Variants in MAGI2 observed in about 807,000 individuals in gnomAD.
MAGI2 encodes membrane-associated guanylate kinase, WW and PDZ domain-containing protein 2.
A neutral mutation model predicts 133.3 loss-of-function variants in MAGI2; 35 were observed. The ratio of observed to expected loss-of-function variants is 0.26; its 90% CI spans 0.20 to 0.35. MAGI2 has a LOEUF of 0.35. Ranked by LOEUF, MAGI2 falls within the 10% of genes least tolerant of loss-of-function variation. The pLI, the probability that MAGI2 is intolerant of heterozygous loss-of-function variation, is 1.00. For missense variants in MAGI2, 1,636 were observed against 1,863.4 expected, an observed-to-expected ratio of 0.88 and a Z score of 2.25; for synonymous variants, 729 against 710.6, an observed-to-expected ratio of 1.03 and a Z score of -0.41.
rs1348555197 is a variant in MAGI2 at position 78,256,051 on chromosome 7, C to T, written c.1939G>A (p.Val647Ile). ...TGTACATTCTGCTGGTTGATCTCAA[C>T]AATGAGGTCGCCTTCACACAGGCCA... ...CPGLCEGDLI[V>I]EINQQNVQNL... Residue 647 changes from valine (V) to isoleucine (I), a missense_variant, in exon 10 of 22, where the codon GTT becomes ATT. This residue lies in a region of MAGI2 where 920 missense variants were observed against 1,093.5 expected (regional missense o/e 0.84). Transcript: ENST00000354212. 6 of 1,613,552 alleles carry T rather than the reference C, an allele frequency of 3.7e-6. No individual in the cohort carries two copies. Among genetic ancestry groups the T allele is most frequent in the Non-Finnish European group, 5.1e-6 (6 of 1,179,904 alleles).
At chr7:78,372,506 T>G (rs1409984021) in intron 6 of MAGI2, among the ~76,000 whole-genome samples, 1 of 152,158 alleles carries the variant, frequency 6.6e-6, no homozygotes, top group Non-Finnish European at 1.5e-5. Context: ...ACTTGACAAA[T>G]CTGTGGATGA....
At chr7:78,080,188 C>T (rs1815796189) in intron 20 of MAGI2, among the ~76,000 whole-genome samples, 1 of 152,170 alleles carries the variant, frequency 6.6e-6, no homozygotes, top group South Asian at 2.1e-4. Context: ...GGGGGAAGAA[C>T]ATGTTTGTTG....
chr7:78,025,227 A>G (rs1808798034), intron 21 of MAGI2, among the ~76,000 whole-genome samples: 1 of 152,186 alleles, frequency 6.6e-6, no homozygotes, highest in African/African-American at 2.4e-5. Flanking sequence ...AGGCTTCCCC[A>G]CAACTATCTA....
intron 9 of MAGI2, among the ~76,000 whole-genome samples, chr7:78,276,430 T>C (rs1357112181): frequency 6.6e-6 from 1 of 152,138 alleles, no homozygotes; most frequent in Non-Finnish European, 1.5e-5. Context: ...ACTTGCTTAG[T>C]GGGGAAAGAT....
At chr7:78,164,827 T>C (rs762343657) in intron 15 of MAGI2, among the ~76,000 whole-genome samples, 5 of 152,254 alleles carry the variant, frequency 3.3e-5, no homozygotes, top group Non-Finnish European at 7.3e-5. Context: ...AGACATGGTG[T>C]GCATCCAAAA....
At chr7:78,914,679 A>G (rs1042529112) in intron 2 of MAGI2, among the ~76,000 whole-genome samples, 2 of 152,154 alleles carry the variant, frequency 1.3e-5, no homozygotes, top group Non-Finnish European at 2.9e-5. Context: ...GAATTTTCTC[A>G]TATGTACAGA....
At chr7:78,085,548 TCCCACACACACA>T (rs1180450912) in intron 20 of MAGI2, among the ~76,000 whole-genome samples, 1 of 69,170 alleles carries the variant, frequency 1.4e-5, no homozygotes, top group Admixed American at 1.5e-4. Flanking sequence ...ATAATAAAAC[TCCCACACACACA>T]CACACACACA....
chr7:78,496,305 T>C (rs141989355), intron 5 of MAGI2, among the ~76,000 whole-genome samples: 2 of 152,336 alleles, frequency 1.3e-5, no homozygotes, highest in Non-Finnish European at 2.9e-5. Context: ...AAATCTGTCA[T>C]TTAAGATGAC....
At chr7:79,367,604 A>G (rs939902553) in intron 1 of MAGI2, among the ~76,000 whole-genome samples, 3 of 152,004 alleles carry the variant, frequency 2.0e-5, no homozygotes, top group Non-Finnish European at 4.4e-5. Flanking sequence ...AACAGTAATG[A>G]CTTTATAGAG....
At position 78,574,776 on chromosome 7, in the gene MAGI2, C is replaced by A. The variant is rs112737493; in HGVS notation, c.538+52344G>T. Among the ~76,000 whole-genome samples, 557 of 152,228 alleles carry A rather than the reference C, an allele frequency of 3.7e-3. 4 individuals are homozygous for A. Among genetic ancestry groups the A allele is most frequent in the African/African-American group, 0.013 (536 of 41,544 alleles). On this transcript the variant is annotated intron_variant, in intron 3 of 21. Coordinates refer to ENST00000354212, the MANE Select transcript of MAGI2 (RefSeq NM_012301.4). Reference sequence around the variant, plus strand: ...ATTTACAATGTACTGTTATGAGACACGTTGATTACAGGAAGGTTTGAAATT... The same window carrying A: ...ATTTACAATGTACTGTTATGAGACAAGTTGATTACAGGAAGGTTTGAAATT...
chr7:78,993,116 C>G (rs1022630691), intron 2 of MAGI2, among the ~76,000 whole-genome samples: 1 of 151,856 alleles, frequency 6.6e-6, no homozygotes, highest in African/African-American at 2.4e-5. Context: ...ATAAGCAGAA[C>G]AGAACAATTA....
intron 20 of MAGI2, among the ~76,000 whole-genome samples, chr7:78,087,195 G>T (rs1816736895): frequency 6.6e-6 from 1 of 152,162 alleles, no homozygotes. Context: ...CCAAGGACAG[G>T]AACTCTGTCA....
intron 1 of MAGI2, among the ~76,000 whole-genome samples, chr7:79,111,921 C>T (rs1004174581): frequency 6.6e-6 from 1 of 152,024 alleles, no homozygotes; most frequent in Admixed American, 6.6e-5. Flanking sequence ...CCCCTCTCGG[C>T]CTCCGAAAGT....
chr7:79,032,652 A>AGCACTCTAT (rs1373841427), intron 1 of MAGI2, among the ~76,000 whole-genome samples: 21 of 152,242 alleles, frequency 1.4e-4, no homozygotes, highest in African/African-American at 5.1e-4. Context: ...AAAAATCTGA[A>AGCACTCTAT]GCACTCTATC....
At chr7:78,930,880 T>C (rs1191919598) in intron 2 of MAGI2, among the ~76,000 whole-genome samples, 1 of 152,140 alleles carries the variant, frequency 6.6e-6, no homozygotes, top group African/African-American at 2.4e-5. Context: ...TTGAAGGTTT[T>C]AACTGAGCAG....
chr7:79,082,692 C>T (rs1247058562), intron 1 of MAGI2, among the ~76,000 whole-genome samples: 1 of 151,860 alleles, frequency 6.6e-6, no homozygotes, highest in Admixed American at 6.6e-5. Context: ...TTCAGGGACC[C>T]CTGAGATTCC....
chr7:79,186,817 C>G (rs1827217221), intron 1 of MAGI2, among the ~76,000 whole-genome samples: 1 of 123,184 alleles, frequency 8.1e-6, no homozygotes, highest in Non-Finnish European at 1.6e-5. Context: ...ACATAGGATA[C>G]CAGAATCCCT....
chr7:78,425,350 CTTTCT>C (rs1474120386), intron 6 of MAGI2, among the ~76,000 whole-genome samples: 1 of 152,156 alleles, frequency 6.6e-6, no homozygotes, highest in Non-Finnish European at 1.5e-5. Context: ...AATTAAACCT[CTTTCT>C]TTTGTCAATT....
At chr7:78,487,917 T>C (rs921472832) in intron 6 of MAGI2, among the ~76,000 whole-genome samples, 1 of 152,068 alleles carries the variant, frequency 6.6e-6, no homozygotes, top group African/African-American at 2.4e-5. Context: ...TCCAGTGTTG[T>C]AAATAAGTAA....
Sources: gnomAD v4.1 joint callset for allele counts (sites outside exome capture counted in the v4.1 genomes callset) on GRCh38, gnomAD v4.1.1 for gene constraint, gnomAD v4.1.1 regional missense constraint, MANE v1.5 for transcripts, NCBI Gene and HGNC (gene_info 2026-07-23, HGNC 2026-07-21) for gene names.